Variants in NVL observed in about 807,000 individuals in gnomAD.
The protein encoded by NVL is nuclear valosin-containing protein-like.
Under a neutral mutation model 110.2 loss-of-function variants are expected in NVL, and 84 were observed. The ratio of observed to expected loss-of-function variants is 0.76; its 90% CI spans 0.64 to 0.91. The LOEUF (loss-of-function observed/expected upper bound fraction) is 0.91. NVL is among the 40% of genes least tolerant of loss of function. The pLI, the probability that NVL is intolerant of heterozygous loss-of-function variation, is 0.00. For synonymous variants in NVL, 354 were observed against 361.1 expected, an observed-to-expected ratio of 0.98 and a Z score of 0.22; for missense variants, 882 against 1,035.9, an observed-to-expected ratio of 0.85 and a Z score of 2.04.
rs1216724299 is a variant in NVL, at chr1:224,294,253, C to T, written c.1325+14G>A. ...GACTTAGTGGCATACAAACTTCATTCTATAAGAATATACCTTTCCCTGGAT... is the reference window on the plus strand; with the variant it reads ...GACTTAGTGGCATACAAACTTCATTTTATAAGAATATACCTTTCCCTGGAT... On this transcript the variant is annotated intron_variant, in intron 12 of 22. Coordinates refer to ENST00000281701, the MANE Select transcript of NVL (RefSeq NM_002533.4). The T allele has an allele frequency of 1.9e-6, 3 of 1,613,762 alleles. No homozygotes were observed. Among genetic ancestry groups the T allele is most frequent in the Non-Finnish European group, 2.5e-6 (3 of 1,179,984 alleles).
intron 4 of NVL, chr1:224,313,225 A>AG (rs1320774297): frequency 5.7e-6 from 1 of 176,472 alleles, no homozygotes; most frequent in Non-Finnish European, 1.2e-5. Flanking sequence ...ATTACTTGGG[A>AG]GCAATTCTAA....
chr1:224,302,178 C>A (rs577877736), intron 9 of NVL, among the ~76,000 whole-genome samples: 1 of 151,952 alleles, frequency 6.6e-6, no homozygotes, highest in South Asian at 2.1e-4. Flanking sequence ...ATTGTATTAG[C>A]GCTTGGTATA....
At chr1:224,280,108 TG>T (rs1666170142) in intron 16 of NVL, among the ~76,000 whole-genome samples, 1 of 150,886 alleles carries the variant, frequency 6.6e-6, no homozygotes, top group South Asian at 2.1e-4. Context: ...GTAAGTTCCA[TG>T]GGAAAGAGAA....
chr1:224,306,527 A>T (rs1220835172), intron 6 of NVL, among the ~76,000 whole-genome samples: 1 of 152,146 alleles, frequency 6.6e-6, no homozygotes, highest in Non-Finnish European at 1.5e-5. Context: ...TGGTCTCCCA[A>T]AGTGCTGGGA....
chr1:224,245,868 TG>T (rs1661751447), intron 19 of NVL, among the ~76,000 whole-genome samples: 1 of 149,760 alleles, frequency 6.7e-6, no homozygotes, highest in Non-Finnish European at 1.5e-5. Context: ...CCGTCCACCT[TG>T]GCCTCCCAAA....
intron 9 of NVL, among the ~76,000 whole-genome samples, chr1:224,302,453 G>A (rs190802556): frequency 1.5e-4 from 23 of 152,126 alleles, no homozygotes; most frequent in African/African-American, 2.2e-4. Context: ...CACATGCCTC[G>A]GCCTCCCAAA....
intron 10 of NVL, chr1:224,298,606 G>T: frequency 4.7e-6 from 1 of 212,706 alleles, no homozygotes; most frequent in South Asian, 8.9e-5. Flanking sequence ...CATAATAGGT[G>T]GTAATAAAAG....
Position 224,300,558 on chromosome 1 carries a change from T to G in NVL, c.1062+4A>C. 6.2e-7 allele frequency: 1 copy of G among 1,610,428 alleles called. No individual in the cohort carries two copies. Among genetic ancestry groups the G allele is most frequent in the Non-Finnish European group, 8.5e-7 (1 of 1,177,088 alleles). ...CACCTGGCATTAGTCATTAACTGACTCACCACAGCTTGCTCAAATAGTTCT... is the reference window on the plus strand; with the variant it reads ...CACCTGGCATTAGTCATTAACTGACGCACCACAGCTTGCTCAAATAGTTCT... On this transcript the variant is annotated splice_donor_region_variant and intron_variant, in intron 10 of 22. Transcript: ENST00000281701.
chr1:224,242,043 A>AC, intron 19 of NVL, among the ~76,000 whole-genome samples: 1 of 152,054 alleles, frequency 6.6e-6, no homozygotes, highest in East Asian at 1.9e-4. Flanking sequence ...AAAAAAAAAA[A>AC]AAGTTATATC....
chr1:224,281,487 A>C (rs1480393558), intron 15 of NVL, among the ~76,000 whole-genome samples: 2 of 151,174 alleles, frequency 1.3e-5, no homozygotes, highest in Non-Finnish European at 2.9e-5. Flanking sequence ...TTTTTAGTGG[A>C]GATGGGGTTT....
intron 5 of NVL, among the ~76,000 whole-genome samples, chr1:224,310,964 T>C (rs1044130217): frequency 1.3e-5 from 2 of 152,094 alleles, no homozygotes; most frequent in African/African-American, 2.4e-5. Context: ...AACTCCTGGC[T>C]TCAAGTGATC....
At position 224,287,768 on chromosome 1, in the gene NVL, T is replaced by A. The variant is rs767841215; in HGVS notation, c.1794+7A>T. 12 of 1,609,186 alleles carry A rather than the reference T, an allele frequency of 7.5e-6. No individual in the cohort carries two copies. The South Asian group carries it at 1.3e-4, about 18-fold the overall frequency. On this transcript the variant is annotated splice_region_variant and intron_variant, in intron 14 of 22. Transcript: ENST00000281701. ...TGCCAATAATATTTGGCAGCTGATA[T>A]ACCTACCAATATTGCCATGGTGAGC...
intron 19 of NVL, among the ~76,000 whole-genome samples, chr1:224,247,835 G>A (rs1319128550): frequency 6.6e-6 from 1 of 152,120 alleles, no homozygotes; most frequent in Non-Finnish European, 1.5e-5. Context: ...GTTGTTGGCT[G>A]TCCTGTGCAC....
At chr1:224,291,019 C>T (rs1485853300) in intron 12 of NVL, among the ~76,000 whole-genome samples, 1 of 152,152 alleles carries the variant, frequency 6.6e-6, no homozygotes, top group Admixed American at 6.6e-5. Flanking sequence ...AGCCAAACTG[C>T]AAGAGTCTGA....
Position 224,289,721 on chromosome 1 carries a change from T to G in NVL, c.1338A>C (p.Thr446=). The G allele has an allele frequency of 6.2e-7, 1 of 1,613,108 alleles. No homozygotes were observed. Among genetic ancestry groups the G allele is most frequent in the South Asian group, 1.1e-5 (1 of 90,918 alleles). The change falls in exon 13 of 23, where the codon ACA becomes ACC. Residue 446 remains threonine, a synonymous_variant. Transcript: ENST00000281701. ...DEASRERILQ[T]LCRKLRLPQA... Reference sequence around the variant, plus strand: ...GAGGAAGCCTCAGTTTTCTGCACAATGTTTGAAGTATTCTGTAGAAAAGAC... The same window carrying G: ...GAGGAAGCCTCAGTTTTCTGCACAAGGTTTGAAGTATTCTGTAGAAAAGAC...
intron 18 of NVL, among the ~76,000 whole-genome samples, chr1:224,261,680 G>A (rs183598330): frequency 3.3e-5 from 5 of 152,278 alleles, no homozygotes; most frequent in South Asian, 2.1e-4. Flanking sequence ...GGCTATGCAC[G>A]GTGGTTCACA....
chr1:224,307,267 G>C (rs1283421812), intron 6 of NVL, among the ~76,000 whole-genome samples: 1 of 152,144 alleles, frequency 6.6e-6, no homozygotes, highest in Non-Finnish European at 1.5e-5. Context: ...AAAATTTACA[G>C]CTGAGGAAAT....
chr1:224,256,903 T>C (rs1197923679), intron 18 of NVL: 4 of 432,560 alleles, frequency 9.2e-6, no homozygotes, highest in Non-Finnish European at 1.4e-5. Flanking sequence ...AGGTCAACCC[T>C]ATGACACAAT....
At chr1:224,299,108 T>C (rs557717675) in intron 10 of NVL, among the ~76,000 whole-genome samples, 97 of 152,280 alleles carry the variant, frequency 6.4e-4, no homozygotes, top group Middle Eastern at 6.8e-3. Flanking sequence ...CTCAAAACCA[T>C]GGGAACAACC....
Sources: allele counts gnomAD v4.1 joint callset (sites outside exome capture counted in the v4.1 genomes callset), GRCh38; gene constraint gnomAD v4.1.1; transcripts MANE v1.5; gene names NCBI Gene and HGNC (gene_info 2026-07-23, HGNC 2026-07-21).